Variants in OSBPL2 observed in about 807,000 individuals in gnomAD.
The protein encoded by OSBPL2 is oxysterol-binding protein-related protein 2.
OSBPL2 carries 18 observed loss-of-function variants against 58.4 expected under a neutral mutation model. The ratio of observed to expected loss-of-function variants is 0.31; its 90% CI spans 0.21 to 0.46. The LOEUF (loss-of-function observed/expected upper bound fraction) is 0.46. Ranked by LOEUF, OSBPL2 falls within the 20% of genes least tolerant of loss-of-function variation. The pLI is 1.00. For synonymous variants in OSBPL2, 221 were observed against 234.1 expected, an observed-to-expected ratio of 0.94 and a Z score of 0.51; for missense variants, 461 against 616.5, an observed-to-expected ratio of 0.75 and a Z score of 2.67.
rs562071879 is a variant in OSBPL2 at position 62,245,102 on chromosome 20, T to G, written c.-129+6505T>G. ...AGGATAAAGGGCTGAAATCTGTTCTTTTTTTTTTTTTTTGAGACGGTGTCT... is the reference window on the plus strand; with the variant it reads ...AGGATAAAGGGCTGAAATCTGTTCTGTTTTTTTTTTTTTGAGACGGTGTCT... On this transcript the variant is annotated intron_variant, in intron 1 of 13. Transcript: ENST00000313733. Among the ~76,000 whole-genome samples the G allele has an allele frequency of 1.2e-3, 176 of 148,168 alleles. 2 individuals carry two copies. Among genetic ancestry groups the G allele is most frequent in the Middle Eastern group, 7.1e-3 (2 of 282 alleles).
At chr20:62,250,078 G>T (rs1221093153) in intron 1 of OSBPL2, among the ~76,000 whole-genome samples, 1 of 152,248 alleles carries the variant, frequency 6.6e-6, no homozygotes, top group East Asian at 1.9e-4. Flanking sequence ...CCCAAGAAGG[G>T]CCCTCCTGGG....
At chr20:62,292,157 A>G (rs192615635) in intron 13 of OSBPL2, among the ~76,000 whole-genome samples, 4 of 152,214 alleles carry the variant, frequency 2.6e-5, no homozygotes, top group Non-Finnish European at 4.4e-5. Flanking sequence ...TGTTGGCCCA[A>G]AGCTTTCTTT....
chr20:62,284,052 G>T lies in OSBPL2; in HGVS notation c.879G>T (p.Lys293Asn). ...AAATCCCATTTAATTACAGCAAAAA[G>T]AAGCTCTTTATGATCTATGGCAAAT... ...VEGHIQDKNK[K>N]KLFMIYGKWT... The change falls in exon 10 of 14, where the codon AAG becomes AAT. Residue 293 changes from lysine to asparagine, a missense_variant. Lys to Asn is a moderately conservative substitution (Grantham distance 94, BLOSUM62 0). Transcript: ENST00000313733. 6.2e-7 allele frequency: 1 copy of T among 1,611,308 alleles called. No individual in the cohort carries two copies. The highest frequency in any genetic ancestry group is 1.3e-5 in the African/African-American group (1 of 74,912).
chr20:62,242,970 C>T (rs1307037396), intron 1 of OSBPL2, among the ~76,000 whole-genome samples: 1 of 152,132 alleles, frequency 6.6e-6, no homozygotes, highest in Non-Finnish European at 1.5e-5. Flanking sequence ...GAAGTGAGTG[C>T]CTGTGCTTTG....
chr20:62,243,924 G>C (rs1341045442), intron 1 of OSBPL2, among the ~76,000 whole-genome samples: 1 of 151,898 alleles, frequency 6.6e-6, no homozygotes. Context: ...TTGGTTTGAA[G>C]CCCTGCCTGT....
At chr20:62,281,461 C>G in intron 8 of OSBPL2, 2 of 507,390 alleles carry the variant, frequency 3.9e-6, no homozygotes. Context: ...CGGCCGTTGG[C>G]CACTGTCTAG....
chr20:62,258,521 G>A (rs190459740), intron 2 of OSBPL2, among the ~76,000 whole-genome samples: 4 of 152,358 alleles, frequency 2.6e-5, no homozygotes, highest in African/African-American at 4.8e-5. Flanking sequence ...AAGGGTTTCC[G>A]AGGGAGCCGA....
At chr20:62,244,341 G>A (rs894947945) in intron 1 of OSBPL2, among the ~76,000 whole-genome samples, 2 of 152,228 alleles carry the variant, frequency 1.3e-5, no homozygotes, top group Non-Finnish European at 2.9e-5. Flanking sequence ...TCTCGGGGCC[G>A]TTGGTTTTGA....
chr20:62,273,600 C>T (rs1000187155), intron 6 of OSBPL2, among the ~76,000 whole-genome samples, 194 bp downstream of exon 6: 3 of 152,154 alleles, frequency 2.0e-5, no homozygotes, highest in Non-Finnish European at 4.4e-5. Context: ...CGTGCCACGG[C>T]GTCTGAGTGA....
chr20:62,279,332 C>G lies in OSBPL2; in HGVS notation c.667C>G (p.Leu223Val). ...AEPRGTITLE[L>V]LKHNEAYTWT... ...GCCCCGAGGCACCATCACCCTGGAGCTGCTCAAGTGAGTGTCGGTGCGTCC... is the reference window on the plus strand; with the variant it reads ...GCCCCGAGGCACCATCACCCTGGAGGTGCTCAAGTGAGTGTCGGTGCGTCC... The change falls in exon 7 of 14, where the codon CTG becomes GTG. Residue 223 changes from leucine (L) to valine (V), a missense_variant. By Grantham distance (32) the Leu-to-Val change is conservative (BLOSUM62 1). Coordinates refer to ENST00000313733, the MANE Select transcript of OSBPL2 (RefSeq NM_144498.4). 6.2e-7 allele frequency: 1 copy of G among 1,614,172 alleles called. No homozygotes were observed. Among genetic ancestry groups the G allele is most frequent in the Non-Finnish European group, 8.5e-7 (1 of 1,179,996 alleles).
At chr20:62,268,518 A>G (rs974077297) in intron 4 of OSBPL2, among the ~76,000 whole-genome samples, 6 of 152,176 alleles carry the variant, frequency 3.9e-5, no homozygotes, top group Non-Finnish European at 8.8e-5. Flanking sequence ...ACTTCTTTAC[A>G]TAAATGAGAG....
intron 1 of OSBPL2, among the ~76,000 whole-genome samples, chr20:62,244,553 T>C (rs556184490): frequency 1.6e-3 from 243 of 152,338 alleles, no homozygotes; most frequent in Non-Finnish European, 2.8e-3. Flanking sequence ...AAGGAGAAGG[T>C]TGATTAAAAC....
At chr20:62,289,520 T>C (rs1983354553) in intron 12 of OSBPL2, among the ~76,000 whole-genome samples, 190 bp downstream of exon 12, 1 of 152,214 alleles carries the variant, frequency 6.6e-6, no homozygotes. Flanking sequence ...GTGAAGGGCT[T>C]TAAAGATCTC....
At chr20:62,263,133 C>T (rs1981427706) in intron 3 of OSBPL2, among the ~76,000 whole-genome samples, 2 of 152,226 alleles carry the variant, frequency 1.3e-5, no homozygotes, top group Non-Finnish European at 2.9e-5. Flanking sequence ...CTCCGCCTTG[C>T]AGCCGACTGG....
chr20:62,247,763 C>G (rs1352678089), intron 1 of OSBPL2, among the ~76,000 whole-genome samples: 1 of 151,146 alleles, frequency 6.6e-6, no homozygotes, highest in East Asian at 2.0e-4. Context: ...TCCTCAGGTT[C>G]AAGCTATTCT....
chr20:62,279,888 AC>A, intron 7 of OSBPL2: 2 of 1,212,312 alleles, frequency 1.6e-6, no homozygotes, highest in Non-Finnish European at 2.2e-6. Flanking sequence ...ACACTCCCCC[AC>A]CCTGTGCTCA....
At position 62,291,230 on chromosome 20, in the gene OSBPL2, A is replaced by G. The variant is rs1983489453; in HGVS notation, c.1250-473A>G. ...GACCTGGGAATGGATGTAACTTCTC[A>G]TGCTTTGTATTCAGAATGTGTGCCC... On this transcript the variant is annotated intron_variant, in intron 12 of 13. Transcript: ENST00000313733. 1.3e-5 allele frequency: 3 copies of G among 229,798 alleles called. No homozygotes were observed. In the South Asian group the frequency reaches 1.6e-4, roughly 12 times the overall value. The allele number at this position is 229,798 out of a possible 1,614,324, so 14.2% of individuals were successfully genotyped here.
At chr20:62,290,572 A>G (rs1437283844) in intron 12 of OSBPL2, among the ~76,000 whole-genome samples, 1 of 150,842 alleles carries the variant, frequency 6.6e-6, no homozygotes, top group African/African-American at 2.4e-5. Context: ...TGCCCCTGCC[A>G]CCACGCCCGG....
intron 11 of OSBPL2, among the ~76,000 whole-genome samples, chr20:62,286,971 G>A (rs889212518): frequency 2.6e-5 from 4 of 152,264 alleles, no homozygotes; most frequent in South Asian, 2.1e-4. Context: ...TGCAGGTCGA[G>A]GTGTGGACGC....
Sources: gnomAD v4.1 joint callset for allele counts (sites outside exome capture counted in the v4.1 genomes callset) on GRCh38, gnomAD v4.1.1 for gene constraint, MANE v1.5 for transcripts, NCBI Gene and HGNC (gene_info 2026-07-23, HGNC 2026-07-21) for gene names.